Variants in TYR observed in about 807,000 individuals in gnomAD.
TYR encodes LB24-AB.
In TYR, 58 loss-of-function variants were observed where a neutral mutation model predicts 51.5. The observed-to-expected ratio is 1.13, with a 90% CI of 0.91 to 1.40. The LOEUF (loss-of-function observed/expected upper bound fraction) is 1.40. Among genes scored for constraint, TYR ranks in the 40% most tolerant of loss-of-function variants. The pLI, the probability that TYR is intolerant of heterozygous loss-of-function variation, is 0.00. For missense variants in TYR, 732 were observed against 647.4 expected (o/e 1.13, Z -1.42); for synonymous variants, 263 against 235.2 (o/e 1.12, Z -1.08).
intron 3 of TYR, among the ~76,000 whole-genome samples, chr11:89,269,884 T>C (rs2135313841): frequency 6.6e-6 from 1 of 152,028 alleles, no homozygotes; most frequent in South Asian, 2.1e-4. Context: ...TGGGATGCTA[T>C]TATTTCAAAC....
At chr11:89,293,057 G>A (rs912451190) in intron 4 of TYR, among the ~76,000 whole-genome samples, 3 of 152,094 alleles carry the variant, frequency 2.0e-5, no homozygotes, top group African/African-American at 7.2e-5. Flanking sequence ...TTCCTTTTAG[G>A]AATTTTACAA....
intron 3 of TYR, among the ~76,000 whole-genome samples, chr11:89,239,129 T>C (rs888702587): frequency 6.6e-6 from 1 of 152,190 alleles, no homozygotes; most frequent in Non-Finnish European, 1.5e-5. Context: ...GCCACTTAAA[T>C]ATTTTGGAAG....
In TYR at chr11:89,191,331, G is replaced by A. The variant is rs1188921195; in HGVS notation, c.949G>A (p.Asp317Asn). ...AACCCCAAGGCTCCCCTCTTCAGCTGATGTAGAATTTTGCCTGAGTTTGAC... is the reference window on the plus strand; with the variant it reads ...AACCCCAAGGCTCCCCTCTTCAGCTAATGTAGAATTTTGCCTGAGTTTGAC... ...SRTPRLPSSA[D>N]VEFCLSLTQY... Residue 317 changes from aspartate (D) to asparagine (N), a missense_variant, in exon 2 of 5, where the codon GAT becomes AAT. Coordinates refer to ENST00000263321, the MANE Select transcript of TYR (RefSeq NM_000372.5). The A allele has an allele frequency of 1.2e-6, 2 of 1,613,652 alleles. No homozygotes were observed. Among genetic ancestry groups the A allele is most frequent in the African/African-American group, 2.7e-5 (2 of 74,894 alleles).
intron 2 of TYR, among the ~76,000 whole-genome samples, chr11:89,192,747 G>A (rs532719816): frequency 6.6e-5 from 10 of 152,172 alleles, no homozygotes; most frequent in Non-Finnish European, 1.0e-4. Flanking sequence ...AGTAATCACC[G>A]TATCCAAAAC....
At chr11:89,255,719 T>G (rs532480479) in intron 3 of TYR, among the ~76,000 whole-genome samples, 84 of 151,850 alleles carry the variant, frequency 5.5e-4, no homozygotes, top group African/African-American at 1.9e-3. Context: ...CTACTTCTTA[T>G]CCTTTTGATA....
intron 2 of TYR, among the ~76,000 whole-genome samples, chr11:89,212,205 A>G (rs1368167943): frequency 1.3e-5 from 2 of 152,200 alleles, no homozygotes; most frequent in Non-Finnish European, 2.9e-5. Flanking sequence ...AGCAAGACTA[A>G]TAAAAGAGAG....
chr11:89,216,328 C>A (rs75287023), intron 2 of TYR, among the ~76,000 whole-genome samples: 2,538 of 152,158 alleles, frequency 0.017, 63 homozygotes, highest in African/African-American at 0.057. Flanking sequence ...TTCTATCTGC[C>A]ATTCATTTCA....
In TYR at chr11:89,191,063, C is replaced by T. The variant is rs568990268; in HGVS notation, c.820-139C>T. ...ATGATGGATTTCTCAGAACATATCC[C>T]TGTCATTAAAGACACATGATTGTAG... On this transcript the variant is annotated intron_variant, in intron 1 of 4. Coordinates refer to ENST00000263321, the MANE Select transcript of TYR (RefSeq NM_000372.5). The T allele has an allele frequency of 3.7e-5, 28 of 748,024 alleles. No homozygotes were observed. The East Asian group carries it at 6.9e-4, about 18-fold the overall frequency. 46.3% of individuals were successfully genotyped at this position (748,024 alleles called of 1,614,324 possible).
rs369610829 is a variant in TYR, at chr11:89,284,955, G to A, written c.1366+1G>A. ...GACTATAGCTATCTACAAGATTCAG[G>A]TAAAGTTTACTTTCTTTCAGAGGAA... On this transcript the variant is annotated splice_donor_variant, in intron 4 of 4. Coordinates refer to ENST00000263321, the MANE Select transcript of TYR (RefSeq NM_000372.5). LOFTEE classifies it high-confidence loss of function. The A allele has an allele frequency of 5.6e-6, 9 of 1,610,366 alleles. No homozygotes were observed. Among genetic ancestry groups the A allele is most frequent in the African/African-American group, 1.3e-5 (1 of 74,696 alleles).
At chr11:89,179,454 G>A (rs1010371852) in intron 1 of TYR, among the ~76,000 whole-genome samples, 17 of 152,076 alleles carry the variant, frequency 1.1e-4, no homozygotes, top group African/African-American at 3.4e-4. Flanking sequence ...AAGTGTTTTT[G>A]TGCATTCGTT....
At chr11:89,280,936 C>T (rs146524591) in intron 3 of TYR, among the ~76,000 whole-genome samples, 137 of 151,856 alleles carry the variant, frequency 9.0e-4, no homozygotes, top group South Asian at 2.3e-3. Context: ...TTGGGTTTCC[C>T]TACATACTCT....
At chr11:89,231,170 C>CAA (rs1156577257) in intron 3 of TYR, among the ~76,000 whole-genome samples, 1,862 of 65,174 alleles carry the variant, frequency 0.029, 107 homozygotes, top group African/African-American at 0.086. Flanking sequence ...GACTTCGTCT[C>CAA]AAAAAAAAAA....
intron 2 of TYR, among the ~76,000 whole-genome samples, chr11:89,224,332 T>G (rs1248170449): frequency 6.6e-6 from 1 of 152,148 alleles, no homozygotes; most frequent in Admixed American, 6.6e-5. Flanking sequence ...TGCCACCAAC[T>G]GATAAGTGGA....
At chr11:89,245,896 G>C (rs913830048) in intron 3 of TYR, among the ~76,000 whole-genome samples, 1 of 150,868 alleles carries the variant, frequency 6.6e-6, no homozygotes, top group Non-Finnish European at 1.5e-5. Context: ...ACTCCAGCCC[G>C]GGCGACAGAG....
At chr11:89,212,763 G>A (rs1039292208) in intron 2 of TYR, among the ~76,000 whole-genome samples, 9 of 152,080 alleles carry the variant, frequency 5.9e-5, no homozygotes, top group African/African-American at 1.2e-4. Flanking sequence ...CTTCATCCCC[G>A]GGATGCAAGG....
intron 3 of TYR, among the ~76,000 whole-genome samples, chr11:89,236,644 C>G (rs1286597627): frequency 1.3e-5 from 2 of 152,126 alleles, no homozygotes; most frequent in East Asian, 3.9e-4. Context: ...AAGTTGCTAC[C>G]TATGAAGACT....
chr11:89,193,710 TAAG>T (rs931923738), intron 2 of TYR, among the ~76,000 whole-genome samples: 16 of 152,312 alleles, frequency 1.1e-4, no homozygotes, highest in African/African-American at 3.8e-4. Context: ...GCTCAGCTGC[TAAG>T]AAGAACTTTT....
chr11:89,258,292 A>G (rs1210640556), intron 3 of TYR, among the ~76,000 whole-genome samples: 1 of 152,012 alleles, frequency 6.6e-6, no homozygotes, highest in African/African-American at 2.4e-5. Context: ...TTGTGTTTCC[A>G]TATTAGCTAT....
intron 2 of TYR, among the ~76,000 whole-genome samples, chr11:89,201,664 C>T (rs1438551195): frequency 6.6e-6 from 1 of 152,048 alleles, no homozygotes; most frequent in Non-Finnish European, 1.5e-5. Context: ...GAAGATTTGC[C>T]CACCATTGCT....
Sources: gnomAD v4.1 joint callset for allele counts (sites outside exome capture counted in the v4.1 genomes callset) on GRCh38, gnomAD v4.1.1 for gene constraint, MANE v1.5 for transcripts, NCBI Gene and HGNC (gene_info 2026-07-23, HGNC 2026-07-21) for gene names.